The following PRR14 variants were observed in gnomAD, a reference collection of about 807,000 sequenced individuals.
PRR14 encodes the protein proline rich 14.
A neutral mutation model predicts 57.2 loss-of-function variants in PRR14; 33 were observed. That is an observed-to-expected ratio of 0.58 (90% CI 0.44 to 0.77). The LOEUF (loss-of-function observed/expected upper bound fraction) is 0.77. Ranked by LOEUF, PRR14 falls within the 30% of genes least tolerant of loss-of-function variation. The pLI is 0.00. For synonymous variants in PRR14, 303 were observed against 314.7 expected, an observed-to-expected ratio of 0.96 and a Z score of 0.39; for missense variants, 716 against 788.1, an observed-to-expected ratio of 0.91 and a Z score of 1.10.
intron 7 of PRR14, 78 bp downstream of exon 7, chr16:30,654,417 A>G: frequency 7.9e-7 from 1 of 1,268,180 alleles, no homozygotes; most frequent in South Asian, 1.2e-5. Context: ...TCAGGTACAG[A>G]GTTGGGGATA....
intron 5 of PRR14, 60 bp downstream of exon 5, chr16:30,653,163 G>C: frequency 2.0e-6 from 3 of 1,513,108 alleles, no homozygotes; most frequent in Non-Finnish European, 2.7e-6. Flanking sequence ...GGGATAGAAG[G>C]GTAGGAGGCC....
rs2151257285 is a variant in PRR14 at position 30,651,982 on chromosome 16, A to G, written c.192+18A>G. ...TTCACATGGTGAGCCCCCTGAACCAAGAGACTCTCTATTCCCCCATGACTT... is the reference window on the plus strand; with the variant it reads ...TTCACATGGTGAGCCCCCTGAACCAGGAGACTCTCTATTCCCCCATGACTT... On this transcript the variant is annotated intron_variant, in intron 3 of 11. Coordinates refer to ENST00000300835, the MANE Select transcript of PRR14 (RefSeq NM_024031.5). This position sits in a 1 kb window ranked among gnomAD's most constrained non-coding sequence, Gnocchi z 5.0. 6.6e-7 allele frequency: 1 copy of G among 1,522,626 alleles called. No individual in the cohort carries two copies. Among genetic ancestry groups the G allele is most frequent in the Middle Eastern group, 1.8e-4 (1 of 5,616 alleles). 94.3% of individuals were successfully genotyped at this position (1,522,626 alleles called of 1,614,324 possible).
intron 6 of PRR14, chr16:30,654,006 G>A: frequency 1.9e-6 from 1 of 535,184 alleles, no homozygotes; most frequent in Non-Finnish European, 3.3e-6. Context: ...GTCCATGCAT[G>A]TAGTTCTAGC....
At chr16:30,653,246 C>T in intron 5 of PRR14, 119 bp from the exon 6 acceptor site, 1 of 1,398,766 alleles carries the variant, frequency 7.1e-7, no homozygotes, top group Middle Eastern at 1.9e-4. Flanking sequence ...TGAGCAAAGA[C>T]TATATAAAAA....
chr16:30,650,859 G>A (rs1043030915), upstream of PRR14: 1 of 355,544 alleles, frequency 2.8e-6, no homozygotes, highest in African/African-American at 2.1e-5. Flanking sequence ...GGCGGGAGTG[G>A]GGGCGGGGAA....
At chr16:30,653,469 C>T in intron 6 of PRR14, 61 bp downstream of exon 6, 1 of 1,530,472 alleles carries the variant, frequency 6.5e-7, no homozygotes, top group Non-Finnish European at 9.1e-7. Context: ...TCCAGGTAGC[C>T]AGAGCTAGGG....
At chr16:30,653,691 A>G (rs1164884854) in intron 6 of PRR14, among the ~76,000 whole-genome samples, 4 of 152,030 alleles carry the variant, frequency 2.6e-5, no homozygotes, top group Non-Finnish European at 5.9e-5. Flanking sequence ...TTTGAGATGG[A>G]GTTTTTGCTC....
At chr16:30,653,185 TG>T in intron 5 of PRR14, 82 bp downstream of exon 5, 1 of 1,458,064 alleles carries the variant, frequency 6.9e-7, no homozygotes, top group Non-Finnish European at 9.3e-7. Flanking sequence ...GAGTCTTAGG[TG>T]GGTTTTTCTT....
chr16:30,654,454 G>A, intron 7 of PRR14, 115 bp downstream of exon 7: 1 of 1,000,542 alleles, frequency 1.0e-6, no homozygotes. Context: ...CCAGGGCAGG[G>A]CTTGGTATAT....
At position 30,655,705 on chromosome 16, in the gene PRR14, A is replaced by C; in HGVS notation, c.1406+112A>C. 7.7e-7 allele frequency: 1 copy of C among 1,303,656 alleles called. No homozygotes were observed. Among genetic ancestry groups the C allele is most frequent in the Non-Finnish European group, 1.1e-6 (1 of 906,502 alleles). The allele number at this position is 1,303,656 out of a possible 1,614,324, so 80.8% of individuals were successfully genotyped here. ...GAGCACAGTCCAGCCTGAAAGATTC[A>C]ATTCGGTGTGGGGATGGTTTGTGCT... On this transcript the variant is annotated intron_variant, in intron 10 of 11. Coordinates refer to ENST00000300835, the MANE Select transcript of PRR14 (RefSeq NM_024031.5). This position sits in a 1 kb window ranked among gnomAD's most constrained non-coding sequence, Gnocchi z 4.6.
At chr16:30,652,108 G>C in intron 3 of PRR14, 144 bp downstream of exon 3, 1 of 923,000 alleles carries the variant, frequency 1.1e-6, no homozygotes, top group Admixed American at 2.8e-5. Context: ...TCATGGTAGA[G>C]TCCTGCTTGG....
chr16:30,653,545 G>A (rs763338003), intron 6 of PRR14, 137 bp downstream of exon 6: 41 of 892,374 alleles, frequency 4.6e-5, no homozygotes, highest in Non-Finnish European at 4.2e-5. Flanking sequence ...GGCCGGGCAC[G>A]CCCATGCCTA....
Position 30,656,408 on chromosome 16 carries a change from T to C in PRR14, c.*97T>C. On this transcript the variant is annotated 3_prime_UTR_variant, in exon 12 of 12. Transcript: ENST00000300835. ...ATTTCTAGTAAAGTTTTCGATATGT[T>C]TCTGATTCTTTTGTATCTCTAGCTG... 1 of 1,185,962 alleles carries C rather than the reference T, an allele frequency of 8.4e-7. No homozygotes were observed. Among genetic ancestry groups the C allele is most frequent in the Non-Finnish European group, 1.2e-6 (1 of 867,544 alleles). The allele number at this position is 1,185,962 out of a possible 1,614,324, so 73.5% of individuals were successfully genotyped here.
At chr16:30,653,869 G>A (rs1325230728) in intron 6 of PRR14, among the ~76,000 whole-genome samples, 1 of 152,170 alleles carries the variant, frequency 6.6e-6, no homozygotes, top group Non-Finnish European at 1.5e-5. Flanking sequence ...GTTTCACCAC[G>A]TTGGCCAGGC....
At position 30,655,955 on chromosome 16, in the gene PRR14, G is replaced by A. The variant is rs1192502955; in HGVS notation, c.1478+16G>A. 2.5e-6 allele frequency: 4 copies of A among 1,613,332 alleles called. No homozygotes were observed. The South Asian group carries it at 3.3e-5, about 13-fold the overall frequency. On this transcript the variant is annotated intron_variant, in intron 11 of 11. Coordinates refer to ENST00000300835, the MANE Select transcript of PRR14 (RefSeq NM_024031.5). This position sits in a 1 kb window ranked among gnomAD's most constrained non-coding sequence, Gnocchi z 4.6. ...CAACCAGGAGGTGAGACACTTGGAA[G>A]GCTAGAGGGTGGCAGAGGGAAATCT...
Position 30,651,401 on chromosome 16 carries a change from G to T in PRR14, c.-50-195G>T. ...GGTTCTGGCGGCAGGTGCCAGGCAG[G>T]GCGCGAGTGATCCGCTGATCGAGGC... On this transcript the variant is annotated intron_variant, in intron 1 of 11. Coordinates refer to ENST00000300835, the MANE Select transcript of PRR14 (RefSeq NM_024031.5). The surrounding 1 kb of genome is among the most constrained non-coding windows in gnomAD (Gnocchi z 5.0). The T allele has an allele frequency of 2.1e-6, 1 of 483,082 alleles. No homozygotes were observed. Among genetic ancestry groups the T allele is most frequent in the East Asian group, 3.5e-5 (1 of 28,498 alleles). The allele number at this position is 483,082 out of a possible 1,614,324, so 29.9% of individuals were successfully genotyped here. A position where few individuals can be genotyped will look rare whatever the true frequency, so the allele number is the denominator to read the frequency against.
At position 30,651,281 on chromosome 16, in the gene PRR14, TC is replaced by T. The variant is rs1412838632; in HGVS notation, c.-51+158del. On this transcript the variant is annotated intron_variant, in intron 1 of 11. Transcript: ENST00000300835. The surrounding 1 kb of genome is among the most constrained non-coding windows in gnomAD (Gnocchi z 5.0). ...CGGAAATAGCCTCCCAGGACCGGGA[TC>T]CCCGTGGATCCCGGGGGATCTCGGG... 6.1e-6 allele frequency: 2 copies of T among 327,706 alleles called. No homozygotes were observed. Among genetic ancestry groups the T allele is most frequent in the Non-Finnish European group, 1.2e-5 (2 of 167,166 alleles). The allele number at this position is 327,706 out of a possible 1,614,324, so 20.3% of individuals were successfully genotyped here.
intron 3 of PRR14, chr16:30,652,229 TATC>T (rs2052320615): frequency 1.6e-6 from 1 of 622,728 alleles, no homozygotes; most frequent in South Asian, 1.7e-5. Context: ...TCTTTTTTTC[TATC>T]TTTTTTTTTT....
At position 30,655,503 on chromosome 16, in the gene PRR14, C is replaced by T; in HGVS notation, c.1316C>T (p.Thr439Ile). 6.2e-7 allele frequency: 1 copy of T among 1,614,164 alleles called. No homozygotes were observed. Among genetic ancestry groups the T allele is most frequent in the Non-Finnish European group, 8.5e-7 (1 of 1,180,008 alleles). Residue 439 changes from threonine (T) to isoleucine (I), a missense_variant and splice_region_variant, in exon 10 of 12, where the codon ACC (threonine) becomes ATC (isoleucine). Thr to Ile is a moderately conservative substitution (Grantham distance 89). Coordinates refer to ENST00000300835, the MANE Select transcript of PRR14 (RefSeq NM_024031.5). The surrounding 1 kb of genome is among the most constrained non-coding windows in gnomAD (Gnocchi z 4.6). ...TCACCCTCTGCCCCATTTTTGCAGA[C>T]CATGGGAAAGGTTTCTCGATTCAGA... ...DQVLSEPETK[T>I]MGKVSRFRIR...
Sources: allele counts gnomAD v4.1 joint callset (sites outside exome capture counted in the v4.1 genomes callset), GRCh38; gene constraint gnomAD v4.1.1; non-coding constraint Gnocchi (gnomAD v3.1); transcripts MANE v1.5; gene names NCBI Gene and HGNC (gene_info 2026-07-23, HGNC 2026-07-21).